The following RSL24D1 variants were observed in gnomAD, a reference collection of about 807,000 sequenced individuals.
RSL24D1 encodes ribosomal L24 domain containing 1, also known as probable ribosome biogenesis protein RLP24.
RSL24D1 carries 6 observed loss-of-function variants against 26.2 expected under a neutral mutation model. The observed-to-expected ratio is 0.23, with a 90% CI of 0.13 to 0.45. The LOEUF is 0.45. RSL24D1 is among the 20% of genes least tolerant of loss of function. The probability of loss-of-function intolerance (pLI) is 0.99; values close to 1 mark genes in which losing one functional copy is unlikely to be tolerated. For synonymous variants in RSL24D1, 61 were observed against 59.1 expected (o/e 1.03, Z -0.15); for missense variants, 176 against 202.6 (o/e 0.87, Z 0.80).
At chr15:55,187,694 T>C (rs765801356) in intron 3 of RSL24D1, among the ~76,000 whole-genome samples, 14 of 150,362 alleles carry the variant, frequency 9.3e-5, no homozygotes, top group Non-Finnish European at 2.1e-4. Flanking sequence ...GGCTAAGCTA[T>C]GGGCACGCAA....
intron 3 of RSL24D1, among the ~76,000 whole-genome samples, chr15:55,186,331 T>A (rs1014554677): frequency 6.6e-6 from 1 of 152,132 alleles, no homozygotes; most frequent in Non-Finnish European, 1.5e-5. Context: ...AAAAGTATAC[T>A]TATTAATTAA....
intron 3 of RSL24D1, among the ~76,000 whole-genome samples, chr15:55,189,021 G>A (rs1185128320): frequency 1.3e-5 from 2 of 151,928 alleles, no homozygotes; most frequent in Non-Finnish European, 2.9e-5. Flanking sequence ...GTGAAACCCC[G>A]TCTCTACTAA....
At chr15:55,195,242 T>G (rs1678511695) in intron 1 of RSL24D1, 1 of 152,076 alleles carries the variant, frequency 6.6e-6, no homozygotes, top group African/African-American at 2.4e-5. Flanking sequence ...TGGTATTAAT[T>G]CACAGAGCAA....
At chr15:55,187,345 A>C (rs1323234817) in intron 3 of RSL24D1, among the ~76,000 whole-genome samples, 1 of 152,182 alleles carries the variant, frequency 6.6e-6, no homozygotes, top group Non-Finnish European at 1.5e-5. Context: ...CTTTAAACTT[A>C]TTTAGAAGGG....
chr15:55,182,758 A>G (rs1894182666), intron 5 of RSL24D1, among the ~76,000 whole-genome samples: 1 of 152,238 alleles, frequency 6.6e-6, no homozygotes, highest in Admixed American at 6.5e-5. Flanking sequence ...ACACAAATGT[A>G]CTCAATATGT....
chr15:55,195,552 G>T (rs1244309574), intron 1 of RSL24D1: 1 of 152,076 alleles, frequency 6.6e-6, no homozygotes, highest in Non-Finnish European at 1.5e-5. Context: ...CAGTTCTCAC[G>T]ATCTGTTGTT....
chr15:55,186,071 C>T (rs561572324), intron 3 of RSL24D1, among the ~76,000 whole-genome samples: 3 of 152,248 alleles, frequency 2.0e-5, no homozygotes, highest in South Asian at 2.1e-4. Flanking sequence ...TTTAATGATA[C>T]ATTTTATTTA....
At chr15:55,192,245 A>G (rs1894305431) in intron 2 of RSL24D1, among the ~76,000 whole-genome samples, 1 of 152,140 alleles carries the variant, frequency 6.6e-6, no homozygotes, top group Non-Finnish European at 1.5e-5. Flanking sequence ...AATTCAATAT[A>G]ACAATATAAT....
At position 55,196,832 on chromosome 15, in the gene RSL24D1, A is replaced by G. The variant is rs1178439610; in HGVS notation, c.59T>C (p.Met20Thr). The G allele has an allele frequency of 6.2e-7, 1 of 1,614,204 alleles. No individual in the cohort carries two copies. The highest frequency in any genetic ancestry group is 1.7e-5 in the Admixed American group (1 of 60,022). The change falls in exon 1 of 6, where the codon ATG (methionine) becomes ACG (threonine). Residue 20 changes from methionine (M) to threonine (T), a missense_variant. Met to Thr is a moderately conservative substitution (Grantham distance 81). This residue lies in a region of RSL24D1 where 44 missense variants were observed against 28.8 expected (regional missense o/e 1.53). Transcript: ENST00000260443. ...TACCTTGCAATCGTTGCGGACGAAC[A>G]TCATGCCGTGTCCAGGATAGATGGG... ...SGPIYPGHGM[M>T]FVRNDCKVFR...
chr15:55,194,019 C>G (rs530300623), intron 1 of RSL24D1: 40 of 152,324 alleles, frequency 2.6e-4, no homozygotes, highest in African/African-American at 8.9e-4. Context: ...CATTTAATAT[C>G]TACTAGATAT....
At chr15:55,183,235 T>G (rs544420487) in intron 5 of RSL24D1, 80 bp downstream of exon 5, 1 of 949,730 alleles carries the variant, frequency 1.1e-6, no homozygotes, top group Non-Finnish European at 1.6e-6. Context: ...AAGATAATAT[T>G]TATAGGAAAA....
chr15:55,196,746 G>A (rs1277815528), intron 1 of RSL24D1, 64 bp downstream of exon 1: 2 of 1,529,282 alleles, frequency 1.3e-6, no homozygotes, highest in Non-Finnish European at 1.8e-6. Flanking sequence ...ACCCAGCACC[G>A]AGCCGCCGCG....
chr15:55,193,839 C>T (rs538226615), intron 1 of RSL24D1, among the ~76,000 whole-genome samples: 21 of 152,200 alleles, frequency 1.4e-4, no homozygotes, highest in African/African-American at 4.3e-4. Flanking sequence ...TGTCTATATC[C>T]TTGAGTTAGT....
intron 3 of RSL24D1, 106 bp downstream of exon 3, chr15:55,190,869 G>A (rs1428257561): frequency 8.1e-6 from 6 of 736,196 alleles, no homozygotes; most frequent in African/African-American, 3.6e-5. Context: ...GCCAAGGAAT[G>A]ATAAATGGAA....
At position 55,192,770 on chromosome 15, in the gene RSL24D1, C is replaced by G. The variant is rs751351733; in HGVS notation, c.145G>C (p.Val49Leu). Residue 49 changes from valine to leucine, a missense_variant, in exon 2 of 6, where the codon GTT becomes CTT. Transcript: ENST00000260443. ...NFKKKRNPRK[V>L]RWTKAFRKAA... The stretch of plus-strand genomic sequence containing the variant: ...TTCCGGAATGCTTTGGTCCACCTAA[C>G]TTTGCGAGGATTGCGCTTCTTTTTA... The G allele has an allele frequency of 2.5e-6, 4 of 1,613,988 alleles. No individual in the cohort carries two copies. In the East Asian group the frequency reaches 8.9e-5, roughly 36 times the overall value.
intron 1 of RSL24D1, 120 bp from the exon 2 acceptor site, chr15:55,192,953 A>G (rs1390410116): frequency 1.6e-6 from 1 of 621,460 alleles, no homozygotes; most frequent in Non-Finnish European, 2.9e-6. Flanking sequence ...AGAAATGTGT[A>G]AGATATATCA....
In RSL24D1 at chr15:55,180,921, A is replaced by T. The variant is rs917721379; in HGVS notation, c.*1231T>A. On this transcript the variant is annotated 3_prime_UTR_variant, in exon 6 of 6. Coordinates refer to ENST00000260443, the MANE Select transcript of RSL24D1 (RefSeq NM_016304.3). ...CATTTCCCCTAATCTTCAATCAATA[A>T]TATTATTTACAAATAAGAATACCCA... 1 of 152,188 alleles carries T rather than the reference A, an allele frequency of 6.6e-6. No homozygotes were observed. Among genetic ancestry groups the T allele is most frequent in the Non-Finnish European group, 1.5e-5 (1 of 68,028 alleles). 9.4% of individuals were successfully genotyped at this position (152,188 alleles called of 1,614,324 possible). A position where few individuals can be genotyped will look rare whatever the true frequency, so the allele number is the denominator to read the frequency against.
intron 1 of RSL24D1, chr15:55,196,354 T>C (rs1251910533): frequency 6.6e-6 from 3 of 457,458 alleles, no homozygotes; most frequent in African/African-American, 4.0e-5. Context: ...CCAACTCACC[T>C]GCAGTAACTT....
intron 1 of RSL24D1, 86 bp from the exon 2 acceptor site, chr15:55,192,919 T>A (rs1894315032): frequency 1.3e-6 from 1 of 790,546 alleles, no homozygotes; most frequent in African/African-American, 1.7e-5. Flanking sequence ...AAAAATACTT[T>A]CCCTTCTACT....
Sources: gnomAD v4.1 joint callset for allele counts (sites outside exome capture counted in the v4.1 genomes callset) on GRCh38, gnomAD v4.1.1 for gene constraint, gnomAD v4.1.1 regional missense constraint, MANE v1.5 for transcripts, NCBI Gene and HGNC (gene_info 2026-07-23, HGNC 2026-07-21) for gene names.